Variants in SGCZ observed in about 807,000 individuals in gnomAD.
SGCZ encodes the protein sarcoglycan zeta.
A neutral mutation model predicts 41.3 loss-of-function variants in SGCZ; 40 were observed. The observed-to-expected ratio is 0.97, with a 90% CI of 0.75 to 1.26. The LOEUF (loss-of-function observed/expected upper bound fraction) is 1.26, where lower values mean the gene tolerates loss of function less well. Ranked by LOEUF, SGCZ falls within the 50% of genes most tolerant of loss-of-function variation. The probability of loss-of-function intolerance (pLI) is 0.00; values close to 1 mark genes in which losing one functional copy is unlikely to be tolerated. For synonymous variants in SGCZ, 206 were observed against 137.5 expected (o/e 1.50, Z -3.49); for missense variants, 552 against 369.8 (o/e 1.49, Z -4.04).
chr8:14,532,657 G>C (rs190288979), intron 2 of SGCZ, among the ~76,000 whole-genome samples: 1 of 137,182 alleles, frequency 7.3e-6, no homozygotes, highest in African/African-American at 2.8e-5. Context: ...GGCTCATTGA[G>C]AGTTTAGGGA....
intron 1 of SGCZ, among the ~76,000 whole-genome samples, chr8:14,688,595 TA>T (rs1808694986): frequency 6.6e-6 from 1 of 152,196 alleles, no homozygotes; most frequent in Non-Finnish European, 1.5e-5. Flanking sequence ...TTGGTTACTG[TA>T]GCCTTGTAGT....
At chr8:14,643,624 C>A (rs60911465) in intron 1 of SGCZ, among the ~76,000 whole-genome samples, 28,840 of 151,268 alleles carry the variant, frequency 0.19, 3,262 homozygotes, top group East Asian at 0.59. Flanking sequence ...TCCCTCATAA[C>A]TATATTGATA....
rs1237257195 is a variant in SGCZ at position 14,261,989 on chromosome 8, A to G, written c.337-24310T>C. On this transcript the variant is annotated intron_variant, in intron 3 of 7. Transcript: ENST00000382080. ...AAAGATAATTGATTAAATTAATTTG[A>G]CCAACTCCTACTCTAAGCAATTTAA... Among the ~76,000 whole-genome samples, 4 of 152,178 alleles carry G rather than the reference A, an allele frequency of 2.6e-5. No homozygotes were observed. The East Asian group carries it at 7.7e-4, about 29-fold the overall frequency.
At chr8:14,889,570 A>T (rs1424990041) in intron 1 of SGCZ, among the ~76,000 whole-genome samples, 2 of 152,070 alleles carry the variant, frequency 1.3e-5, no homozygotes, top group African/African-American at 4.8e-5. Flanking sequence ...TGGACTCAAA[A>T]TTCTTATCTA....
intron 1 of SGCZ, among the ~76,000 whole-genome samples, chr8:14,628,111 A>G (rs1806522940): frequency 6.6e-6 from 1 of 152,024 alleles, no homozygotes; most frequent in Admixed American, 6.6e-5. Flanking sequence ...TGAAATTAAG[A>G]TTGCAGGTTT....
At chr8:14,545,412 TA>T (rs144353315) in intron 2 of SGCZ, among the ~76,000 whole-genome samples, 35,957 of 131,730 alleles carry the variant, frequency 0.27, 4,343 homozygotes, top group Middle Eastern at 0.4. Flanking sequence ...AGCAAATGCT[TA>T]CTTTTTTTTT....
At chr8:14,945,794 A>G (rs918246760) in intron 1 of SGCZ, among the ~76,000 whole-genome samples, 3 of 151,038 alleles carry the variant, frequency 2.0e-5, no homozygotes, top group African/African-American at 7.3e-5. Flanking sequence ...TATTGTCTCC[A>G]GCCTTTGGAC....
At chr8:14,382,211 C>A (rs1804392993) in intron 2 of SGCZ, among the ~76,000 whole-genome samples, 1 of 152,150 alleles carries the variant, frequency 6.6e-6, no homozygotes, top group African/African-American at 2.4e-5. Flanking sequence ...TAGATATCAT[C>A]ACCCCCTTGA....
At chr8:15,099,404 A>T (rs1417555984) in intron 1 of SGCZ, among the ~76,000 whole-genome samples, 1 of 152,194 alleles carries the variant, frequency 6.6e-6, no homozygotes, top group Non-Finnish European at 1.5e-5. Flanking sequence ...CTTGGAAAAA[A>T]TACTTTACCA....
At chr8:14,293,716 GAATT>G (rs1304869057) in intron 3 of SGCZ, among the ~76,000 whole-genome samples, 1 of 151,636 alleles carries the variant, frequency 6.6e-6, no homozygotes, top group East Asian at 1.9e-4. Flanking sequence ...AATTACAGGG[GAATT>G]ATTGATCTGA....
chr8:14,416,608 G>A (rs1429952352), intron 2 of SGCZ, among the ~76,000 whole-genome samples: 2 of 151,780 alleles, frequency 1.3e-5, no homozygotes, highest in Non-Finnish European at 2.9e-5. Context: ...CAGGGTATTT[G>A]TCAATACTGG....
intron 3 of SGCZ, among the ~76,000 whole-genome samples, chr8:14,239,901 C>CAAAAAA (rs71209029): frequency 8.0e-4 from 33 of 41,360 alleles, no homozygotes; most frequent in African/African-American, 6.8e-3. Context: ...GACTCCGTCT[C>CAAAAAA]AAAAAAAAAA....
intron 3 of SGCZ, among the ~76,000 whole-genome samples, chr8:14,300,028 G>A (rs1801133654): frequency 6.6e-6 from 1 of 151,904 alleles, no homozygotes. Flanking sequence ...AGGCAAAATT[G>A]ATCTATGGTT....
chr8:14,903,453 AC>A (rs1585364596), intron 1 of SGCZ, among the ~76,000 whole-genome samples: 1 of 152,120 alleles, frequency 6.6e-6, no homozygotes, highest in African/African-American at 2.4e-5. Flanking sequence ...TCCTGAAAAA[AC>A]AAAAAAAGTA....
chr8:14,538,375 T>G (rs1281721122), intron 2 of SGCZ, among the ~76,000 whole-genome samples: 1 of 151,874 alleles, frequency 6.6e-6, no homozygotes, highest in Non-Finnish European at 1.5e-5. Context: ...CAAGTGGGAA[T>G]GAATAAAACA....
At chr8:14,874,893 A>G (rs952987982) in intron 1 of SGCZ, among the ~76,000 whole-genome samples, 10 of 152,162 alleles carry the variant, frequency 6.6e-5, no homozygotes, top group Admixed American at 3.9e-4. Flanking sequence ...GACATTTTTC[A>G]TAAGTAACTA....
At chr8:14,660,290 G>T (rs1361061438) in intron 1 of SGCZ, among the ~76,000 whole-genome samples, 10 of 152,130 alleles carry the variant, frequency 6.6e-5, no homozygotes, top group Non-Finnish European at 1.3e-4. Context: ...GCTGCAGTAA[G>T]GCTGGGCACA....
Position 14,406,872 on chromosome 8 carries a change from C to G in SGCZ, c.235-82668G>C, listed in dbSNP as rs145918097. ...CTGTGAAAACTGCGTATAGGGTAGC[C>G]TCCTTTCGCAAGGAGCTGCTGCTGT... On this transcript the variant is annotated intron_variant, in intron 2 of 7. Transcript: ENST00000382080. 3.0e-3 allele frequency among the ~76,000 whole-genome samples: 462 copies of G among 152,144 alleles called. 2 individuals carry two copies. Among genetic ancestry groups the G allele is most frequent in the African/African-American group, 0.011 (440 of 41,502 alleles).
At position 14,496,363 on chromosome 8, in the gene SGCZ, C is replaced by T. The variant is rs906413706; in HGVS notation, c.234+58369G>A. ...GGATTACAGGCATGAGTAAACATGC[C>T]TGGCCTCCTCTAGCATTTAGATGCT... On this transcript the variant is annotated intron_variant, in intron 2 of 7. Transcript: ENST00000382080. Among the ~76,000 whole-genome samples, 4 of 152,128 alleles carry T rather than the reference C, an allele frequency of 2.6e-5. No homozygotes were observed. The South Asian group carries it at 8.3e-4, about 32-fold the overall frequency.
Sources: gnomAD v4.1 joint callset for allele counts (sites outside exome capture counted in the v4.1 genomes callset) on GRCh38, gnomAD v4.1.1 for gene constraint, MANE v1.5 for transcripts, NCBI Gene and HGNC (gene_info 2026-07-23, HGNC 2026-07-21) for gene names.